The following UST variants were observed in gnomAD, a reference collection of about 807,000 sequenced individuals.
UST encodes chondroitin sulfate 2-O-sulfotransferase.
Under a neutral mutation model 45.6 loss-of-function variants are expected in UST, and 21 were observed. The ratio of observed to expected loss-of-function variants is 0.46; its 90% CI spans 0.33 to 0.66. The LOEUF is 0.66. Ranked by LOEUF, UST falls within the 30% of genes least tolerant of loss-of-function variation. The probability of loss-of-function intolerance (pLI) is 0.02; values close to 1 mark genes in which losing one functional copy is unlikely to be tolerated. For missense variants in UST, 463 were observed against 512.4 expected, an observed-to-expected ratio of 0.90 and a Z score of 0.93; for synonymous variants, 215 against 200.6, an observed-to-expected ratio of 1.07 and a Z score of -0.61.
At chr6:149,011,013 C>G (rs562192240) in intron 5 of UST, among the ~76,000 whole-genome samples, 1 of 149,994 alleles carries the variant, frequency 6.7e-6, no homozygotes, top group Non-Finnish European at 1.5e-5. Context: ...AATGTTTGGT[C>G]TCTTGTGTCC....
intron 1 of UST, among the ~76,000 whole-genome samples, chr6:148,831,069 G>C (rs979561586): frequency 6.7e-6 from 1 of 149,912 alleles, no homozygotes; most frequent in African/African-American, 2.4e-5. Context: ...GAAAGAAAAG[G>C]GGGGGGTGGG....
chr6:148,847,316 A>G (rs1778010068), intron 1 of UST, among the ~76,000 whole-genome samples: 1 of 152,250 alleles, frequency 6.6e-6, no homozygotes, highest in South Asian at 2.1e-4. Flanking sequence ...TGACTGGGGA[A>G]GGAGCTGCTA....
intron 1 of UST, among the ~76,000 whole-genome samples, chr6:148,856,541 G>A (rs1397752212): frequency 6.6e-6 from 1 of 152,192 alleles, no homozygotes; most frequent in African/African-American, 2.4e-5. Context: ...CTGCATGGGG[G>A]CTTTTCCCTT....
At chr6:148,887,724 AT>A (rs1209558095) in intron 2 of UST, among the ~76,000 whole-genome samples, 1 of 151,930 alleles carries the variant, frequency 6.6e-6, no homozygotes, top group Non-Finnish European at 1.5e-5. Context: ...TTTTGACATC[AT>A]TTTTTTTCCT....
intron 5 of UST, among the ~76,000 whole-genome samples, chr6:148,972,424 G>A (rs1226771718): frequency 6.6e-6 from 1 of 152,234 alleles, no homozygotes; most frequent in Non-Finnish European, 1.5e-5. Flanking sequence ...GGCTCACTCT[G>A]GTGAACCGCC....
At chr6:149,059,886 G>T (rs917213374) in intron 7 of UST, among the ~76,000 whole-genome samples, 35 of 151,990 alleles carry the variant, frequency 2.3e-4, no homozygotes, top group African/African-American at 8.2e-4. Context: ...CCGCCTCCGT[G>T]ATGTTTCTGA....
chr6:148,747,651 T>A lies in UST; in HGVS notation c.221T>A (p.Phe74Tyr). ...LYQLSGGPPRFLLDLRQYLGN... is the reference protein window; with the variant it reads ...LYQLSGGPPRYLLDLRQYLGN... ...CAGCTCAGCGGGGGACCCCCTCGCTTCCTGCTCGACCTGCGGCAGTACTTG... is the reference window on the plus strand; with the variant it reads ...CAGCTCAGCGGGGGACCCCCTCGCTACCTGCTCGACCTGCGGCAGTACTTG... The change falls in exon 1 of 8, where the codon TTC becomes TAC. Residue 74 changes from phenylalanine (F) to tyrosine (Y), a missense_variant. By Grantham distance (22) the Phe-to-Tyr change is conservative (BLOSUM62 3). Coordinates refer to ENST00000367463, the MANE Select transcript of UST (RefSeq NM_005715.3). 6.3e-7 allele frequency: 1 copy of A among 1,598,968 alleles called. No homozygotes were observed. The highest frequency in any genetic ancestry group is 8.5e-7 in the Non-Finnish European group (1 of 1,174,314).
intron 4 of UST, among the ~76,000 whole-genome samples, chr6:148,961,112 T>G (rs1041599561): frequency 1.8e-4 from 27 of 152,136 alleles, no homozygotes; most frequent in African/African-American, 6.5e-4. Flanking sequence ...CTTCATCTTC[T>G]CATCAAAAAA....
intron 2 of UST, among the ~76,000 whole-genome samples, chr6:148,914,363 C>G (rs1779540974): frequency 7.0e-6 from 1 of 142,710 alleles, no homozygotes; most frequent in Non-Finnish European, 1.5e-5. Context: ...GCACCAGGGA[C>G]CAGTTGTGTG....
intron 1 of UST, among the ~76,000 whole-genome samples, chr6:148,770,162 T>C (rs1331119172): frequency 6.6e-6 from 1 of 151,760 alleles, no homozygotes; most frequent in African/African-American, 2.4e-5. Context: ...GATACAGATG[T>C]GTATAAATTC....
chr6:149,055,262 C>G (rs1776546038), intron 7 of UST, among the ~76,000 whole-genome samples: 1 of 152,030 alleles, frequency 6.6e-6, no homozygotes, highest in Admixed American at 6.5e-5. Flanking sequence ...GGACTATGAC[C>G]TAACTAACCA....
chr6:149,020,050 C>G (rs1775956574), intron 6 of UST, among the ~76,000 whole-genome samples: 1 of 152,158 alleles, frequency 6.6e-6, no homozygotes, highest in African/African-American at 2.4e-5. Flanking sequence ...ACATTATTCC[C>G]CAAAGGAAAC....
intron 5 of UST, among the ~76,000 whole-genome samples, chr6:149,015,334 A>T (rs1775881669): frequency 6.6e-6 from 1 of 152,250 alleles, no homozygotes; most frequent in Admixed American, 6.5e-5. Flanking sequence ...CAGTGTTGGC[A>T]ATGAAAAGGA....
chr6:149,031,476 A>G (rs543549032), intron 7 of UST, among the ~76,000 whole-genome samples: 3 of 152,318 alleles, frequency 2.0e-5, no homozygotes, highest in East Asian at 1.9e-4. Context: ...GCAGCATAAT[A>G]TATGTGCGTT....
chr6:148,810,643 C>T (rs1472041143), intron 1 of UST, among the ~76,000 whole-genome samples: 1 of 152,156 alleles, frequency 6.6e-6, no homozygotes, highest in Non-Finnish European at 1.5e-5. Flanking sequence ...TAGTTCTGGC[C>T]TTGGCCTTTT....
At chr6:148,903,432 A>C (rs1779296746) in intron 2 of UST, among the ~76,000 whole-genome samples, 1 of 152,236 alleles carries the variant, frequency 6.6e-6, no homozygotes, top group Non-Finnish European at 1.5e-5. Flanking sequence ...TTTTAGTTTA[A>C]GATACATATT....
At chr6:148,979,301 T>G (rs1279579613) in intron 5 of UST, among the ~76,000 whole-genome samples, 1 of 152,212 alleles carries the variant, frequency 6.6e-6, no homozygotes, top group Non-Finnish European at 1.5e-5. Context: ...AGAACCATAA[T>G]TCACAGTTTT....
At chr6:148,899,164 A>G (rs1333156259) in intron 2 of UST, among the ~76,000 whole-genome samples, 1 of 125,342 alleles carries the variant, frequency 8.0e-6, no homozygotes, top group African/African-American at 3.2e-5. Flanking sequence ...CAGTGGCAGG[A>G]TCTCGGCTCA....
Position 149,013,992 on chromosome 6 carries a change from A to T in UST, c.682-5147A>T, listed in dbSNP as rs989640580. Among the ~76,000 whole-genome samples, 6 of 152,228 alleles carry T rather than the reference A, an allele frequency of 3.9e-5. No individual in the cohort carries two copies. In the East Asian group the frequency reaches 9.6e-4, roughly 24 times the overall value. ...CTTCCTTCCACCCTTTCTAAAATTA[A>T]AACTGAAATCCAAGAGAGGAAGCAG... is the stretch of plus-strand genomic sequence containing the variant. On this transcript the variant is annotated intron_variant, in intron 5 of 7. Coordinates refer to ENST00000367463, the MANE Select transcript of UST (RefSeq NM_005715.3).
Sources: gnomAD v4.1 joint callset for allele counts (sites outside exome capture counted in the v4.1 genomes callset) on GRCh38, gnomAD v4.1.1 for gene constraint, MANE v1.5 for transcripts, NCBI Gene and HGNC (gene_info 2026-07-23, HGNC 2026-07-21) for gene names.